Variants in TBC1D21 observed in about 807,000 individuals in gnomAD.
The protein encoded by TBC1D21 is TBC1 domain family member 21.
In TBC1D21, 38 loss-of-function variants were observed where a neutral mutation model predicts 46.0. That is an observed-to-expected ratio of 0.83 (90% CI 0.64 to 1.08). The LOEUF (loss-of-function observed/expected upper bound fraction) is 1.08. Among genes scored for constraint, TBC1D21 ranks in the 50% least tolerant of loss-of-function variants. The probability of loss-of-function intolerance (pLI) is 0.00; values close to 1 mark genes in which losing one functional copy is unlikely to be tolerated. For synonymous variants in TBC1D21, 151 were observed against 157.2 expected, an observed-to-expected ratio of 0.96 and a Z score of 0.29; for missense variants, 415 against 417.9, an observed-to-expected ratio of 0.99 and a Z score of 0.06.
intron 8 of TBC1D21, 71 bp from the exon 9 acceptor site, chr15:73,887,549 G>T: frequency 7.3e-7 from 1 of 1,375,820 alleles, no homozygotes. Context: ...TGGTTGGTGG[G>T]TACCTCACCA....
chr15:73,879,891 G>C, intron 1 of TBC1D21, among the ~76,000 whole-genome samples: 1 of 151,760 alleles, frequency 6.6e-6, no homozygotes, highest in African/African-American at 2.4e-5. Context: ...TGTTGTTGTT[G>C]TTGTTGTTGT....
At position 73,889,064 on chromosome 15, in the gene TBC1D21, C is replaced by T. The variant is rs1438710981; in HGVS notation, c.979-5C>T. On this transcript the variant is annotated splice_polypyrimidine_tract_variant and splice_region_variant and intron_variant, in intron 10 of 10. Coordinates refer to ENST00000300504, the MANE Select transcript of TBC1D21 (RefSeq NM_153356.3). ...CTGTGCACCTCCCACCTGCCTCCTC[C>T]CTAGGTTCCTCAGACATTAAAGGAT... is the stretch of plus-strand genomic sequence containing the variant. 1 of 1,613,558 alleles carries T rather than the reference C, an allele frequency of 6.2e-7. No individual in the cohort carries two copies. The highest frequency in any genetic ancestry group is 1.3e-5 in the African/African-American group (1 of 75,064).
chr15:73,877,637 T>C (rs1262950234), intron 1 of TBC1D21, among the ~76,000 whole-genome samples: 1 of 151,664 alleles, frequency 6.6e-6, no homozygotes, highest in Non-Finnish European at 1.5e-5. Context: ...AGGCAAATGA[T>C]TCTTGTGAAC....
chr15:73,891,415 T>C (rs2068335386), downstream of TBC1D21, among the ~76,000 whole-genome samples: 1 of 152,212 alleles, frequency 6.6e-6, no homozygotes, highest in Admixed American at 6.5e-5. Context: ...GCCACTGCCA[T>C]GATGCCAGCT....
chr15:73,885,830 ACAC>A (rs2068235473), intron 6 of TBC1D21, among the ~76,000 whole-genome samples: 1 of 151,814 alleles, frequency 6.6e-6, no homozygotes, highest in African/African-American at 2.4e-5. Context: ...ACACACACAC[ACAC>A]ACACACACTA....
chr15:73,881,346 T>A, intron 1 of TBC1D21, 53 bp from the exon 2 acceptor site: 9 of 1,396,554 alleles, frequency 6.4e-6, no homozygotes, highest in Non-Finnish European at 9.1e-6. Flanking sequence ...AAAATCACAC[T>A]TAAAAGCCGA....
chr15:73,875,504 C>A (rs2068045546), intron 1 of TBC1D21, among the ~76,000 whole-genome samples: 1 of 152,164 alleles, frequency 6.6e-6, no homozygotes, highest in Non-Finnish European at 1.5e-5. Flanking sequence ...AACCCCTAAC[C>A]CAATGATGCA....
intron 1 of TBC1D21, among the ~76,000 whole-genome samples, chr15:73,876,129 G>A (rs774942785): frequency 4.1e-4 from 61 of 149,154 alleles, no homozygotes; most frequent in South Asian, 8.6e-4. Context: ...AGTTTGGAGA[G>A]ATACAGGGAA....
At chr15:73,902,954 G>A in the TBC1D21 span, among the ~76,000 whole-genome samples, 6 of 152,142 alleles carry the variant, frequency 3.9e-5, no homozygotes, top group East Asian at 7.7e-4. Flanking sequence ...TGCTGCTCCC[G>A]CAGGTCTGCC....
At chr15:73,905,936 G>A in the TBC1D21 span, among the ~76,000 whole-genome samples, 1 of 152,176 alleles carries the variant, frequency 6.6e-6, no homozygotes, top group African/African-American at 2.4e-5. Flanking sequence ...AGACAGCACA[G>A]TCTGGAACAA....
At chr15:73,886,654 A>G in intron 8 of TBC1D21, 42 bp downstream of exon 8, 1 of 1,579,554 alleles carries the variant, frequency 6.3e-7, no homozygotes, top group Non-Finnish European at 8.7e-7. Flanking sequence ...GGCTCCACCC[A>G]TCAGGCAGAG....
downstream of TBC1D21, among the ~76,000 whole-genome samples, chr15:73,893,464 A>G (rs1025685027): frequency 1.3e-4 from 20 of 152,108 alleles, no homozygotes; most frequent in African/African-American, 4.8e-4. Flanking sequence ...CCAAGCTCTC[A>G]CCCTCACCTC....
At chr15:73,885,905 A>G (rs1357218944) in intron 6 of TBC1D21, among the ~76,000 whole-genome samples, 173 bp from the exon 7 acceptor site, 2 of 152,098 alleles carry the variant, frequency 1.3e-5, no homozygotes, top group Non-Finnish European at 2.9e-5. Flanking sequence ...TCACAGTCAC[A>G]TAGATATGTA....
the TBC1D21 span, among the ~76,000 whole-genome samples, chr15:73,894,426 G>T: frequency 6.6e-6 from 1 of 152,220 alleles, no homozygotes; most frequent in Non-Finnish European, 1.5e-5. Flanking sequence ...CTATGCCTTC[G>T]ATTACCCCAG....
At chr15:73,888,936 A>T in intron 10 of TBC1D21, 133 bp from the exon 11 acceptor site, 1 of 1,048,092 alleles carries the variant, frequency 9.5e-7, no homozygotes, top group Non-Finnish European at 1.4e-6. Flanking sequence ...CAGGGCCCTC[A>T]TCCCCCATTC....
intron 7 of TBC1D21, 39 bp from the exon 8 acceptor site, chr15:73,886,473 G>A: frequency 3.8e-6 from 6 of 1,586,124 alleles, no homozygotes; most frequent in Non-Finnish European, 5.2e-6. Context: ...CATCATATGT[G>A]TTTTCCCCTG....
At position 73,876,199 on chromosome 15, in the gene TBC1D21, G is replaced by GGTGTT. The variant is rs2068057275; in HGVS notation, c.60+2430_60+2431insGTGTT. On this transcript the variant is annotated intron_variant, in intron 1 of 10. Transcript: ENST00000300504. ...GAAGAATCAGTGACTTTTTTTGTGG[G>GGTGTT]TTTTTTTTTTTTTTTTTTTTTTTTT... Among the ~76,000 whole-genome samples, 182 of 28,326 alleles carry GGTGTT rather than the reference G, an allele frequency of 6.4e-3. 76 individuals are homozygous for GGTGTT. The highest frequency in any genetic ancestry group is 0.02 in the Admixed American group (34 of 1,660). The allele number at this position is 28,326 out of a possible 152,430, so 18.6% of individuals were successfully genotyped here.
chr15:73,900,882 C>T, the TBC1D21 span, among the ~76,000 whole-genome samples: 8 of 152,210 alleles, frequency 5.3e-5, no homozygotes, highest in Non-Finnish European at 1.2e-4. Context: ...GTCTGCTCAT[C>T]TGTAAAATGC....
chr15:73,881,334 T>C (rs1445801142), intron 1 of TBC1D21, 65 bp from the exon 2 acceptor site: 2 of 1,251,200 alleles, frequency 1.6e-6, no homozygotes, highest in Non-Finnish European at 2.3e-6. Context: ...AACATATTAT[T>C]TAAAATCACA....
Sources: allele counts gnomAD v4.1 joint callset (sites outside exome capture counted in the v4.1 genomes callset), GRCh38; gene constraint gnomAD v4.1.1; transcripts MANE v1.5; gene names NCBI Gene and HGNC (gene_info 2026-07-23, HGNC 2026-07-21).